DTX2: variants seen among roughly 807,000 people sequenced by gnomAD.
The protein encoded by DTX2 is probable E3 ubiquitin-protein ligase DTX2.
In DTX2, 29 loss-of-function variants were observed where a neutral mutation model predicts 55.3. The observed-to-expected ratio is 0.52, with a 90% CI of 0.39 to 0.71. The LOEUF (loss-of-function observed/expected upper bound fraction) is 0.71, where lower values mean the gene tolerates loss of function less well. Among genes scored for constraint, DTX2 ranks in the 30% least tolerant of loss-of-function variants. The probability of loss-of-function intolerance (pLI) is 0.00; values close to 1 mark genes in which losing one functional copy is unlikely to be tolerated. For synonymous variants in DTX2, 276 were observed against 340.4 expected (o/e 0.81, Z 2.08); for missense variants, 537 against 822.5 (o/e 0.65, Z 4.25).
At chr7:76,468,762 T>TTTTTTTTTTTG (rs1807497305) in intron 2 of DTX2, among the ~76,000 whole-genome samples, 2 of 106,374 alleles carry the variant, frequency 1.9e-5, no homozygotes, top group Non-Finnish European at 3.7e-5. Flanking sequence ...CCCAGCATTT[T>TTTTTTTTTTTG]TTTTTTTTTT....
chr7:76,495,086 A>G (rs565252434), intron 5 of DTX2, among the ~76,000 whole-genome samples: 14 of 147,026 alleles, frequency 9.5e-5, no homozygotes, highest in African/African-American at 2.0e-4. Flanking sequence ...CAGTCCCTCT[A>G]TCGGGTGGGG....
At chr7:76,503,757 C>T (rs61549812) in intron 9 of DTX2, among the ~76,000 whole-genome samples, 170 bp downstream of exon 9, 39,296 of 123,556 alleles carry the variant, frequency 0.32, 6,788 homozygotes, top group African/African-American at 0.51. Context: ...GAGGCAGTGC[C>T]GGGGCTTAGG....
intron 3 of DTX2, 107 bp downstream of exon 3, chr7:76,480,884 C>G: frequency 1.5e-6 from 2 of 1,308,296 alleles, no homozygotes; most frequent in Non-Finnish European, 2.1e-6. Flanking sequence ...AGCTTCTGCT[C>G]TCTCCCTGCA....
At position 76,505,571 on chromosome 7, in the gene DTX2, G is replaced by T. The variant is rs1239409331; in HGVS notation, c.1839G>T (p.Gly613=). ...TGCTGGCTGAGCTGGCTGCCCAGGG[G>T]GTGACCGAGGACTGCCTGGAGCAGC... ...QNVLAELAAQ[G]VTEDCLEQQ The change falls in exon 11 of 11, where the codon GGG becomes GGT. Residue 613 remains glycine (G), a synonymous_variant. Transcript: ENST00000430490. This position sits in a 1 kb window ranked among gnomAD's most constrained non-coding sequence, Gnocchi z 4.4. The T allele has an allele frequency of 2.5e-6, 4 of 1,590,912 alleles. No individual in the cohort carries two copies. Among genetic ancestry groups the T allele is most frequent in the Non-Finnish European group, 3.4e-6 (4 of 1,171,442 alleles).
chr7:76,475,701 GA>G (rs200404371), intron 2 of DTX2, among the ~76,000 whole-genome samples: 63,220 of 150,344 alleles, frequency 0.42, 13,750 homozygotes, highest in South Asian at 0.57. Context: ...TAAAAAAAAA[GA>G]AAAAAAATCC....
At chr7:76,474,166 G>T (rs186981766) in intron 2 of DTX2, among the ~76,000 whole-genome samples, 5 of 150,728 alleles carry the variant, frequency 3.3e-5, no homozygotes, top group Non-Finnish European at 7.4e-5. Context: ...GGTGATCCGT[G>T]CCTGGCCTAC....
intron 7 of DTX2, among the ~76,000 whole-genome samples, 188 bp downstream of exon 7, chr7:76,500,708 A>G (rs1423229193): frequency 2.6e-5 from 4 of 150,950 alleles, no homozygotes; most frequent in Non-Finnish European, 5.9e-5. Context: ...TGAGCTTTGC[A>G]CTTAAGGAGC....
intron 1 of DTX2, among the ~76,000 whole-genome samples, chr7:76,463,014 C>G (rs1806759084): frequency 8.8e-6 from 1 of 113,900 alleles, no homozygotes; most frequent in African/African-American, 3.5e-5. Flanking sequence ...CTGCAGTGAG[C>G]TGTGATCACA....
rs71552450 is a variant in DTX2, at chr7:76,492,265, A to C, written c.1009+12A>C. 53 of 976,000 alleles carry C rather than the reference A, an allele frequency of 5.4e-5. 14 individuals are homozygous for C. The African/African-American group carries it at 6.9e-4, about 13-fold the overall frequency. 60.5% of individuals were successfully genotyped at this position (976,000 alleles called of 1,614,324 possible). ...GCAGGCGCTCGCAGGTAGGTGCCTG[A>C]CCTCGGGCTGCAGAGCAGTCTGTGC... is the stretch of plus-strand genomic sequence containing the variant. On this transcript the variant is annotated intron_variant, in intron 5 of 10. Coordinates refer to ENST00000430490, the MANE Select transcript of DTX2 (RefSeq NM_001102594.3).
chr7:76,467,889 G>A (rs558543165), intron 2 of DTX2, among the ~76,000 whole-genome samples: 5 of 152,250 alleles, frequency 3.3e-5, no homozygotes, highest in Non-Finnish European at 5.9e-5. Flanking sequence ...GGCATTCTCA[G>A]TGGGGGACGA....
chr7:76,494,627 CTGT>C (rs1810722261), intron 5 of DTX2, among the ~76,000 whole-genome samples: 1 of 99,534 alleles, frequency 1.0e-5, no homozygotes, highest in Non-Finnish European at 2.1e-5. Flanking sequence ...ATTGTCCATC[CTGT>C]TGTCTGTCCC....
intron 2 of DTX2, chr7:76,478,220 C>T (rs1337443119): frequency 7.0e-6 from 1 of 143,078 alleles, no homozygotes; most frequent in African/African-American, 2.6e-5. Context: ...CAGTGACGTC[C>T]TCATAGTCGC....
At chr7:76,502,684 G>A (rs1246322350) in intron 8 of DTX2, 21 of 548,318 alleles carry the variant, frequency 3.8e-5, no homozygotes, top group Non-Finnish European at 5.8e-5. Flanking sequence ...GGACCAGTGC[G>A]GCTGGTTCCC....
chr7:76,478,514 G>T (rs545910807), intron 2 of DTX2, among the ~76,000 whole-genome samples: 2,928 of 147,920 alleles, frequency 0.02, 9 homozygotes, highest in Non-Finnish European at 0.031. Context: ...CTGGGCTCAA[G>T]CCATCCTCCT....
At chr7:76,487,054 T>TTTTTG (rs1304701882) in intron 4 of DTX2, among the ~76,000 whole-genome samples, 2 of 88,582 alleles carry the variant, frequency 2.3e-5, no homozygotes, top group Non-Finnish European at 4.3e-5. Flanking sequence ...TTTTCTTTGT[T>TTTTTG]TTTTGTTTTG....
At chr7:76,501,102 A>G (rs1223853442) in intron 7 of DTX2, among the ~76,000 whole-genome samples, 1 of 137,626 alleles carries the variant, frequency 7.3e-6, no homozygotes, top group Non-Finnish European at 1.5e-5. Context: ...GGGCTGCAGC[A>G]CCACTTTCCC....
At position 76,501,522 on chromosome 7, in the gene DTX2, G is replaced by A. The variant is rs549274842; in HGVS notation, c.1231-776G>A. ...CACTCCCTGCCTGGAACCGCCAGCAGGACCCCCAACTCACACACAGCCCCA... is the reference window on the plus strand; with the variant it reads ...CACTCCCTGCCTGGAACCGCCAGCAAGACCCCCAACTCACACACAGCCCCA... On this transcript the variant is annotated intron_variant, in intron 7 of 10. Coordinates refer to ENST00000430490, the MANE Select transcript of DTX2 (RefSeq NM_001102594.3). 9.2e-5 allele frequency among the ~76,000 whole-genome samples: 14 copies of A among 151,444 alleles called. 1 individual carries two copies. The South Asian group carries it at 2.1e-3, about 23-fold the overall frequency.
chr7:76,501,928 A>T (rs367986216), intron 7 of DTX2: 1 of 246,240 alleles, frequency 4.1e-6, no homozygotes, highest in Non-Finnish European at 7.5e-6. Context: ...TCGCTCTGTC[A>T]CCCAGGCTGG....
In DTX2 at chr7:76,505,242, G is replaced by A. The variant is rs1812209187; in HGVS notation, c.1642-132G>A. ...TTTGGGGTCCCTGCAGATGGGGTGA[G>A]TGCCAGGGAGTGGATGAGTCACCTG... On this transcript the variant is annotated intron_variant, in intron 10 of 10. Coordinates refer to ENST00000430490, the MANE Select transcript of DTX2 (RefSeq NM_001102594.3). The surrounding 1 kb of genome is among the most constrained non-coding windows in gnomAD (Gnocchi z 4.4). 2.7e-6 allele frequency: 2 copies of A among 738,932 alleles called. No homozygotes were observed. The highest frequency in any genetic ancestry group is 2.7e-5 in the East Asian group (1 of 37,100). 45.8% of individuals were successfully genotyped at this position (738,932 alleles called of 1,614,324 possible).
Sources: gnomAD v4.1 joint callset for allele counts (sites outside exome capture counted in the v4.1 genomes callset) on GRCh38, gnomAD v4.1.1 for gene constraint, Gnocchi (gnomAD v3.1) non-coding constraint, MANE v1.5 for transcripts, NCBI Gene and HGNC (gene_info 2026-07-23, HGNC 2026-07-21) for gene names.